PPFIBP1: variants seen among roughly 807,000 people sequenced by gnomAD.
PPFIBP1 encodes the protein PPFIB scaffold protein 1, also known as liprin-beta-1.
Under a neutral mutation model 137.8 loss-of-function variants are expected in PPFIBP1, and 112 were observed. The ratio of observed to expected loss-of-function variants is 0.81; its 90% confidence interval spans 0.70 to 0.95. PPFIBP1 has a LOEUF of 0.95. Ranked by LOEUF, PPFIBP1 falls within the 40% of genes least tolerant of loss-of-function variation. The pLI, the probability that PPFIBP1 is intolerant of heterozygous loss-of-function variation, is 0.00. For missense variants in PPFIBP1, 1,083 were observed against 1,196.6 expected (o/e 0.91, Z 1.40); for synonymous variants, 378 against 417.3 (o/e 0.91, Z 1.15).
At chr12:27,639,960 C>T (rs920179394) in intron 4 of PPFIBP1, among the ~76,000 whole-genome samples, 1 of 152,174 alleles carries the variant, frequency 6.6e-6, no homozygotes. Flanking sequence ...TGCTTTTCAT[C>T]TGTGCCTCCA....
intron 2 of PPFIBP1, among the ~76,000 whole-genome samples, chr12:27,607,057 T>C (rs1163512344): frequency 6.6e-6 from 1 of 152,236 alleles, no homozygotes; most frequent in Non-Finnish European, 1.5e-5. Context: ...GCATTCCATG[T>C]GATTCTTATG....
chr12:27,605,513 A>G (rs930500902), intron 2 of PPFIBP1, among the ~76,000 whole-genome samples: 5 of 152,164 alleles, frequency 3.3e-5, no homozygotes, highest in African/African-American at 1.2e-4. Context: ...TAAATTTTTA[A>G]AAAGAAAGAG....
chr12:27,538,472 A>G (rs1351885990), intron 1 of PPFIBP1, among the ~76,000 whole-genome samples: 1 of 152,232 alleles, frequency 6.6e-6, no homozygotes, highest in East Asian at 1.9e-4. Context: ...ATTATGACGT[A>G]GCACTAGCAT....
chr12:27,658,908 T>C, intron 10 of PPFIBP1, 60 bp downstream of exon 10: 8 of 1,487,908 alleles, frequency 5.4e-6, no homozygotes, highest in Non-Finnish European at 7.4e-6. Context: ...CCTTGGACTG[T>C]TCTTTGCATG....
intron 2 of PPFIBP1, among the ~76,000 whole-genome samples, chr12:27,631,606 T>C (rs1172920805): frequency 6.6e-6 from 1 of 152,214 alleles, no homozygotes; most frequent in South Asian, 2.1e-4. Context: ...TCGTCTCCAA[T>C]GAATTGGAAA....
intron 2 of PPFIBP1, chr12:27,599,559 C>A (rs1240775987): frequency 2.2e-6 from 1 of 452,606 alleles, no homozygotes; most frequent in East Asian, 6.9e-5. Flanking sequence ...TTTCTTTCAT[C>A]TTTCTCCTTC....
chr12:27,566,347 A>G (rs1387363509), intron 1 of PPFIBP1, among the ~76,000 whole-genome samples: 2 of 150,808 alleles, frequency 1.3e-5, no homozygotes, highest in Non-Finnish European at 3.0e-5. Flanking sequence ...TAGCTCTGTG[A>G]TTGTATTCCA....
chr12:27,571,801 T>A lies in PPFIBP1; in HGVS notation c.-123-6351T>A, dbSNP rs1386151725. Reference sequence around the variant, plus strand: ...GCTTGTGGGATCTCAGTGGTTTGACTTCATATTTTTTGAGTGATATTTGCA... The same window carrying A: ...GCTTGTGGGATCTCAGTGGTTTGACATCATATTTTTTGAGTGATATTTGCA... On this transcript the variant is annotated intron_variant, in intron 1 of 29. Coordinates refer to ENST00000228425, the MANE Select transcript of PPFIBP1 (RefSeq NM_003622.4). Among the ~76,000 whole-genome samples the A allele has an allele frequency of 2.6e-5, 4 of 152,234 alleles. No homozygotes were observed. In the East Asian group the frequency reaches 7.7e-4, roughly 29 times the overall value.
chr12:27,563,316 G>A (rs1051728167), intron 1 of PPFIBP1, among the ~76,000 whole-genome samples: 1 of 117,490 alleles, frequency 8.5e-6, no homozygotes, highest in African/African-American at 3.5e-5. Context: ...AATTAGCTGG[G>A]TGTGGTGGCC....
At chr12:27,592,621 G>C in intron 2 of PPFIBP1, 1 of 1,594,956 alleles carries the variant, frequency 6.3e-7, no homozygotes. Context: ...CCAGCTGAAG[G>C]CCCACCCAAA....
intron 19 of PPFIBP1, among the ~76,000 whole-genome samples, chr12:27,678,151 A>G (rs2140309851): frequency 6.6e-6 from 1 of 152,302 alleles, no homozygotes; most frequent in Non-Finnish European, 1.5e-5. Flanking sequence ...TGTTCTTGTG[A>G]TTTTAGTACA....
intron 27 of PPFIBP1, among the ~76,000 whole-genome samples, chr12:27,689,784 A>G (rs1028675149): frequency 9.2e-5 from 14 of 152,048 alleles, no homozygotes; most frequent in African/African-American, 3.1e-4. Context: ...ACTTCCACCT[A>G]AAGGCTGCAT....
Position 27,635,013 on chromosome 12 carries a change from T to C in PPFIBP1, c.168T>C (p.Arg56=), listed in dbSNP as rs753516964. 1 of 1,614,138 alleles carries C rather than the reference T, an allele frequency of 6.2e-7. No homozygotes were observed. The highest frequency in any genetic ancestry group is 1.1e-5 in the South Asian group (1 of 91,086). ...CTCTGCACCTTGTGGAAGACCTGCG[T>C]GGATTGTTAGAGATGATGGAAACAG... ...LRALHLVEDL[R]GLLEMMETDE... Residue 56 remains arginine, a synonymous_variant, in exon 4 of 30, where the codon CGT becomes CGC. Transcript: ENST00000228425.
In PPFIBP1 at chr12:27,653,406, T is replaced by G. The variant is rs984474856; in HGVS notation, c.604-1316T>G. Among the ~76,000 whole-genome samples, 11 of 151,892 alleles carry G rather than the reference T, an allele frequency of 7.2e-5. No homozygotes were observed. The South Asian group carries it at 1.2e-3, about 17-fold the overall frequency. On this transcript the variant is annotated intron_variant, in intron 7 of 29. Coordinates refer to ENST00000228425, the MANE Select transcript of PPFIBP1 (RefSeq NM_003622.4). The stretch of plus-strand genomic sequence containing the variant: ...TTCAAGACCAGCCAGGTCAACATGG[T>G]AAAACCCCCGTCTCTACTAAAAATA...
intron 1 of PPFIBP1, among the ~76,000 whole-genome samples, chr12:27,527,341 C>T (rs545487390): frequency 6.6e-6 from 1 of 151,902 alleles, no homozygotes; most frequent in Non-Finnish European, 1.5e-5. Context: ...CTCTGCCTCC[C>T]AGGTTCAAAT....
At chr12:27,551,262 T>C (rs1410337006) in intron 1 of PPFIBP1, among the ~76,000 whole-genome samples, 1 of 152,170 alleles carries the variant, frequency 6.6e-6, no homozygotes, top group Non-Finnish European at 1.5e-5. Flanking sequence ...TGTGGGGGTC[T>C]GCAGGCACTC....
chr12:27,620,970 TTTTC>T (rs1427639839), intron 2 of PPFIBP1, among the ~76,000 whole-genome samples: 2 of 152,220 alleles, frequency 1.3e-5, no homozygotes, highest in Non-Finnish European at 2.9e-5. Flanking sequence ...TCCTCTTCTA[TTTTC>T]TTTCTTTTTC....
intron 1 of PPFIBP1, among the ~76,000 whole-genome samples, chr12:27,532,928 G>C (rs1028511313): frequency 1.3e-5 from 2 of 152,096 alleles, no homozygotes; most frequent in Non-Finnish European, 2.9e-5. Flanking sequence ...TAGCAGATTG[G>C]GTATTTCTAG....
chr12:27,542,191 T>C (rs1945746808), intron 1 of PPFIBP1, among the ~76,000 whole-genome samples: 2 of 152,034 alleles, frequency 1.3e-5, no homozygotes, highest in African/African-American at 4.8e-5. Context: ...AAAATACAAA[T>C]AAAAAATACA....
Sources: gnomAD v4.1 joint callset for allele counts (sites outside exome capture counted in the v4.1 genomes callset) on GRCh38, gnomAD v4.1.1 for gene constraint, MANE v1.5 for transcripts, NCBI Gene and HGNC (gene_info 2026-07-23, HGNC 2026-07-21) for gene names.